The following RAI1 variants were observed in gnomAD, a reference collection of about 807,000 sequenced individuals.
RAI1 encodes the protein retinoic acid-induced protein 1.
In RAI1, 9 loss-of-function variants were observed where a neutral mutation model predicts 123.8. The observed-to-expected ratio is 0.07, with a 90% CI of 0.04 to 0.13. The LOEUF (loss-of-function observed/expected upper bound fraction) is 0.13, where lower values mean the gene tolerates loss of function less well. RAI1 is among the 10% of genes least tolerant of loss of function. The pLI, the probability that RAI1 is intolerant of heterozygous loss-of-function variation, is 1.00. For synonymous variants in RAI1, 1,231 were observed against 1,127.3 expected (o/e 1.09, Z -1.84); for missense variants, 2,256 against 2,545.8 (o/e 0.89, Z 2.45).
chr17:17,715,024 C>A (rs1245253300), intron 1 of RAI1, among the ~76,000 whole-genome samples: 1 of 152,234 alleles, frequency 6.6e-6, no homozygotes, highest in Non-Finnish European at 1.5e-5. Flanking sequence ...TGCAGTCCTT[C>A]ATCTCAGCTC....
rs2032218356 is a variant in RAI1, at chr17:17,795,829, G to A, written c.2881G>A (p.Ala961Thr). The A allele has an allele frequency of 6.2e-7, 1 of 1,613,376 alleles. No individual in the cohort carries two copies. The highest frequency in any genetic ancestry group is 1.3e-5 in the African/African-American group (1 of 74,938). ...TGAAGAGGGGCCTGATGGGGAGCGA[G>A]CTCCAGGGGATTCCACCACCTCGGA... ...PGEEGPDGERAPGDSTTSDAS... is the reference protein window; with the variant it reads ...PGEEGPDGERTPGDSTTSDAS... Residue 961 changes from alanine to threonine, a missense_variant, in exon 3 of 6, where the codon GCT (alanine) becomes ACT (threonine). By Grantham distance (58) the Ala-to-Thr change is moderately conservative. Transcript: ENST00000353383. This position sits in a 1 kb window ranked among gnomAD's most constrained non-coding sequence, Gnocchi z 5.9.
chr17:17,767,928 C>CT (rs1567886983), intron 2 of RAI1, among the ~76,000 whole-genome samples: 2 of 152,178 alleles, frequency 1.3e-5, no homozygotes, highest in African/African-American at 4.8e-5. Context: ...GCCTTGAGCA[C>CT]TTTCCCATCT....
chr17:17,683,001 G>A (rs1427838797), intron 1 of RAI1, among the ~76,000 whole-genome samples: 29 of 151,412 alleles, frequency 1.9e-4, no homozygotes, highest in Non-Finnish European at 1.5e-4. Context: ...CGCCTTCCCC[G>A]CGGTTTCGGC....
At chr17:17,783,252 C>T (rs577951899) in intron 2 of RAI1, among the ~76,000 whole-genome samples, 7 of 151,942 alleles carry the variant, frequency 4.6e-5, no homozygotes, top group South Asian at 4.2e-4. Context: ...GGCGCGGGGA[C>T]GGGGGGGCGC....
Position 17,801,459 on chromosome 17 carries a change from G to A in RAI1, c.5566-2297G>A, listed in dbSNP as rs915216331. Among the ~76,000 whole-genome samples the A allele has an allele frequency of 2.0e-5, 3 of 152,160 alleles. No homozygotes were observed. The highest frequency in any genetic ancestry group is 2.9e-5 in the Non-Finnish European group (2 of 68,030). Reference sequence around the variant, plus strand: ...CTGCCTGAGGGTGGTTGGGGCCTCCGTGCAGTAAGTGGAGAGAAGCCTTCA... The same window carrying A: ...CTGCCTGAGGGTGGTTGGGGCCTCCATGCAGTAAGTGGAGAGAAGCCTTCA... On this transcript the variant is annotated intron_variant, in intron 3 of 5. Transcript: ENST00000353383. This position sits in a 1 kb window ranked among gnomAD's most constrained non-coding sequence, Gnocchi z 4.1.
At chr17:17,804,116 A>G (rs1365196977) in intron 4 of RAI1, 1 of 533,300 alleles carries the variant, frequency 1.9e-6, no homozygotes, top group East Asian at 3.4e-5. Context: ...ACAATGTGGA[A>G]TGCTGTCTGC....
intron 2 of RAI1, among the ~76,000 whole-genome samples, chr17:17,776,510 A>G (rs1432690251): frequency 6.6e-6 from 1 of 152,054 alleles, no homozygotes; most frequent in African/African-American, 2.4e-5. Context: ...AGCTGGGATT[A>G]CAGGTGTGTA....
chr17:17,789,081 T>TCAC (rs1276175584), intron 2 of RAI1, among the ~76,000 whole-genome samples: 3 of 152,172 alleles, frequency 2.0e-5, no homozygotes, highest in Non-Finnish European at 4.4e-5. Context: ...AGGCTGCAGC[T>TCAC]CAGCCCCTTG....
chr17:17,724,058 GGCGAGAGGGAGAGCGTGC>G lies in RAI1; in HGVS notation c.-109_-92del, dbSNP rs1915985274. On this transcript the variant is annotated 5_prime_UTR_variant, in exon 2 of 6. Transcript: ENST00000353383. ...CATCTGGCCACCGCGTTCTGGAAGA[GGCGAGAGGGAGAGCGTGC>G]GCGAGAGGAGAGAGACGGCGGGGGA... 1 of 142,430 alleles carries G rather than the reference GGCGAGAGGGAGAGCGTGC, an allele frequency of 7.0e-6. No individual in the cohort carries two copies. The highest frequency in any genetic ancestry group is 1.5e-5 in the Non-Finnish European group (1 of 64,994). The allele number at this position is 142,430 out of a possible 1,614,324, so 8.8% of individuals were successfully genotyped here.
Position 17,798,201 on chromosome 17 carries a change from C to A in RAI1, c.5253C>A (p.Ala1751=). ...CCGAGTGTGCAGCTGCCGCCACTGC[C>A]GGGAAGCCCCCCAGGCCTGACGGCC... ...KGPECAAAAT[A]GKPPRPDGPA... Residue 1751 remains alanine, a synonymous_variant, in exon 3 of 6, where the codon GCC becomes GCA. Transcript: ENST00000353383. The A allele has an allele frequency of 3.1e-6, 5 of 1,612,716 alleles. No individual in the cohort carries two copies. The highest frequency in any genetic ancestry group is 4.2e-6 in the Non-Finnish European group (5 of 1,179,822).
intron 2 of RAI1, among the ~76,000 whole-genome samples, chr17:17,784,126 C>A (rs1317165437): frequency 6.6e-6 from 1 of 152,170 alleles, no homozygotes; most frequent in Non-Finnish European, 1.5e-5. Flanking sequence ...AATTAGGCAG[C>A]AAGAGGATTT....
Position 17,754,188 on chromosome 17 carries a change from A to AGTT in RAI1, c.-17+30029_-17+30030insGTT, listed in dbSNP as rs1442373471. On this transcript the variant is annotated intron_variant, in intron 2 of 5. Transcript: ENST00000353383. ...GCATTTTATGCCATTCGCCTAACCCAATCTTTTTTTTTTTTTTTTTTTTTT... is the reference window on the plus strand; with the variant it reads ...GCATTTTATGCCATTCGCCTAACCCAGTTATCTTTTTTTTTTTTTTTTTTTTTT... 2.4e-5 allele frequency among the ~76,000 whole-genome samples: 3 copies of AGTT among 126,962 alleles called. 1 individual carries two copies. Among genetic ancestry groups the AGTT allele is most frequent in the African/African-American group, 6.9e-5 (2 of 29,112 alleles). The allele number at this position is 126,962 out of a possible 152,430, so 83.3% of individuals were successfully genotyped here.
chr17:17,775,692 G>A (rs558987132), intron 2 of RAI1, among the ~76,000 whole-genome samples: 1 of 151,996 alleles, frequency 6.6e-6, no homozygotes, highest in Non-Finnish European at 1.5e-5. Flanking sequence ...CTTCATCCTC[G>A]CCGTCTTTGT....
At position 17,701,214 on chromosome 17, in the gene RAI1, T is replaced by A. The variant is rs554400607; in HGVS notation, c.-149+19421T>A. ...GGTGTGTCCTCCCTCTGGACTGACA[T>A]TTCACTGAGGCCAGTCTGCCTGACT... On this transcript the variant is annotated intron_variant, in intron 1 of 5. Transcript: ENST00000353383. Among the ~76,000 whole-genome samples the A allele has an allele frequency of 6.6e-5, 10 of 152,274 alleles. No homozygotes were observed. In the East Asian group the frequency reaches 1.9e-3, roughly 29 times the overall value.
intron 2 of RAI1, among the ~76,000 whole-genome samples, chr17:17,735,510 C>G (rs147701112): frequency 3.3e-5 from 5 of 151,748 alleles, no homozygotes; most frequent in African/African-American, 1.2e-4. Flanking sequence ...TGCGCCACCA[C>G]GCCCGGCTGA....
chr17:17,809,135 G>C lies in RAI1; in HGVS notation c.5660-255G>C. 1 of 573,090 alleles carries C rather than the reference G, an allele frequency of 1.7e-6. No individual in the cohort carries two copies. The allele number at this position is 573,090 out of a possible 1,614,324, so 35.5% of individuals were successfully genotyped here. A position where few individuals can be genotyped will look rare whatever the true frequency, so the allele number is the denominator to read the frequency against. On this transcript the variant is annotated intron_variant, in intron 4 of 5. Coordinates refer to ENST00000353383, the MANE Select transcript of RAI1 (RefSeq NM_030665.4). The surrounding 1 kb of genome is among the most constrained non-coding windows in gnomAD (Gnocchi z 4.9). ...TGCCTCAAGTGAGGAGGGGCGGCAC[G>C]TGGAACTCAGGGGGAAAAGCTCTCC...
intron 1 of RAI1, among the ~76,000 whole-genome samples, chr17:17,688,411 G>T (rs867284554): frequency 2.0e-5 from 3 of 151,972 alleles, no homozygotes; most frequent in Non-Finnish European, 4.4e-5. Context: ...TTGAACCCCG[G>T]GGGGTGGAAG....
chr17:17,778,474 A>G, intron 2 of RAI1: 1 of 319,366 alleles, frequency 3.1e-6, no homozygotes, highest in Non-Finnish European at 6.2e-6. Flanking sequence ...TAGGCACACA[A>G]AGCACAGAGA....
intron 2 of RAI1, among the ~76,000 whole-genome samples, chr17:17,728,950 G>A (rs998577083): frequency 6.6e-6 from 1 of 152,166 alleles, no homozygotes; most frequent in Non-Finnish European, 1.5e-5. Flanking sequence ...TCTCCATGGC[G>A]CCCCTGAGGT....
Sources: allele counts gnomAD v4.1 joint callset (sites outside exome capture counted in the v4.1 genomes callset), GRCh38; gene constraint gnomAD v4.1.1; non-coding constraint Gnocchi (gnomAD v3.1); transcripts MANE v1.5; gene names NCBI Gene and HGNC (gene_info 2026-07-23, HGNC 2026-07-21).